DLGAP4: variants seen among roughly 807,000 people sequenced by gnomAD.
DLGAP4 encodes disks large-associated protein 4.
In DLGAP4, 18 loss-of-function variants were observed where a neutral mutation model predicts 86.9. The ratio of observed to expected loss-of-function variants is 0.21; its 90% CI spans 0.14 to 0.31. DLGAP4 has a LOEUF of 0.31. Among genes scored for constraint, DLGAP4 ranks in the 10% least tolerant of loss-of-function variants. DLGAP4 has a pLI of 1.00. For missense variants in DLGAP4, 1,085 were observed against 1,362.6 expected (o/e 0.80, Z 3.21); for synonymous variants, 548 against 574.3 (o/e 0.95, Z 0.65).
rs1432957164 is a variant in DLGAP4 at position 36,346,212 on chromosome 20, A to C, written c.-303-20833A>C. Reference sequence around the variant, plus strand: ...ATCCAGGGCTCTATGGGCAGAGTCCAAGGACTGACGGCTGTGGGTACCCCA... The same window carrying C: ...ATCCAGGGCTCTATGGGCAGAGTCCCAGGACTGACGGCTGTGGGTACCCCA... On this transcript the variant is annotated intron_variant, in intron 1 of 12. Coordinates refer to ENST00000339266, the MANE Select transcript of DLGAP4 (RefSeq NM_001365621.2). Among the ~76,000 whole-genome samples the C allele has an allele frequency of 3.3e-5, 5 of 152,330 alleles. No individual in the cohort carries two copies. In the East Asian group the frequency reaches 7.7e-4, roughly 23 times the overall value.
At chr20:36,340,020 C>T (rs2065362064) in intron 1 of DLGAP4, among the ~76,000 whole-genome samples, 1 of 152,130 alleles carries the variant, frequency 6.6e-6, no homozygotes, top group African/African-American at 2.4e-5. Context: ...CTGGAGTAGC[C>T]AGGGGTGTTG....
At chr20:36,492,449 T>G (rs1275725684) in intron 7 of DLGAP4, 3 of 152,422 alleles carry the variant, frequency 2.0e-5, no homozygotes, top group African/African-American at 7.2e-5. Context: ...CTCTGATGAC[T>G]GGCTGCCTAG....
At chr20:36,452,905 TCA>T (rs1195555956) in intron 7 of DLGAP4, among the ~76,000 whole-genome samples, 1 of 144,854 alleles carries the variant, frequency 6.9e-6, no homozygotes, top group Non-Finnish European at 1.5e-5. Context: ...TGATCTCGGC[TCA>T]CTGCAACCTC....
Position 36,306,357 on chromosome 20 carries a change from C to T in DLGAP4, c.-459C>T, listed in dbSNP as rs2065002185. ...TCCTCCCGCAGCCGCATCTGGGGCG[C>T]CGCGCCGGCCGGAGGAGAGGCATGG... On this transcript the variant is annotated 5_prime_UTR_variant, in exon 1 of 13. Coordinates refer to ENST00000339266, the MANE Select transcript of DLGAP4 (RefSeq NM_001365621.2). The surrounding 1 kb of genome is among the most constrained non-coding windows in gnomAD (Gnocchi z 4.9). 1 of 150,038 alleles carries T rather than the reference C, an allele frequency of 6.7e-6. No homozygotes were observed. Among genetic ancestry groups the T allele is most frequent in the Non-Finnish European group, 1.5e-5 (1 of 67,132 alleles). The allele number at this position is 150,038 out of a possible 1,614,324, so 9.3% of individuals were successfully genotyped here.
At chr20:36,459,710 C>A (rs371681597) in intron 7 of DLGAP4, among the ~76,000 whole-genome samples, 1 of 152,202 alleles carries the variant, frequency 6.6e-6, no homozygotes, top group Non-Finnish European at 1.5e-5. Flanking sequence ...CAGGTTCAAG[C>A]GATTCACCTG....
At chr20:36,307,123 C>A (rs957789746) in intron 1 of DLGAP4, among the ~76,000 whole-genome samples, 2 of 152,132 alleles carry the variant, frequency 1.3e-5, no homozygotes, top group Admixed American at 6.5e-5. Context: ...ACCCCCCTCC[C>A]GCGCTGCATA....
At chr20:36,416,795 G>T (rs1569492210) in intron 2 of DLGAP4, among the ~76,000 whole-genome samples, 1 of 152,128 alleles carries the variant, frequency 6.6e-6, no homozygotes, top group Non-Finnish European at 1.5e-5. Flanking sequence ...AGCCTGTGTG[G>T]GATTCAGACA....
chr20:36,522,427 C>T (rs1163088233), intron 10 of DLGAP4, among the ~76,000 whole-genome samples: 4 of 152,148 alleles, frequency 2.6e-5, no homozygotes, highest in African/African-American at 4.8e-5. Context: ...TCCTAAAGTA[C>T]TGGGATTATA....
At chr20:36,490,819 C>A (rs919716364) in intron 7 of DLGAP4, among the ~76,000 whole-genome samples, 1 of 152,156 alleles carries the variant, frequency 6.6e-6, no homozygotes, top group Non-Finnish European at 1.5e-5. Context: ...GCTGTGTCCT[C>A]CGCATCCCTC....
intron 7 of DLGAP4, chr20:36,461,353 T>TGC: frequency 1.5e-6 from 1 of 677,904 alleles, no homozygotes; most frequent in Non-Finnish European, 1.8e-6. Context: ...CCAAGCGGGC[T>TGC]GCGCGCGCCC....
chr20:36,375,308 A>C (rs1381771130), intron 2 of DLGAP4, among the ~76,000 whole-genome samples: 1 of 152,270 alleles, frequency 6.6e-6, no homozygotes, highest in East Asian at 1.9e-4. Context: ...CTAAATCCTC[A>C]AATGTTTTGT....
At chr20:36,472,738 A>G (rs1001216806) in intron 7 of DLGAP4, among the ~76,000 whole-genome samples, 1 of 152,164 alleles carries the variant, frequency 6.6e-6, no homozygotes, top group Non-Finnish European at 1.5e-5. Flanking sequence ...TTAAAAACCA[A>G]AGTGAAAGAA....
chr20:36,513,812 T>C (rs1485341707), intron 10 of DLGAP4, among the ~76,000 whole-genome samples: 2 of 152,118 alleles, frequency 1.3e-5, no homozygotes, highest in African/African-American at 2.4e-5. Context: ...AAGAAGAGGA[T>C]GGCATTGCCA....
chr20:36,460,491 A>G (rs2033995996), intron 7 of DLGAP4, among the ~76,000 whole-genome samples: 1 of 152,252 alleles, frequency 6.6e-6, no homozygotes, highest in African/African-American at 2.4e-5. Context: ...CATCTTCGCC[A>G]GTGCTCAAAA....
At chr20:36,463,199 T>C (rs529206015) in intron 7 of DLGAP4, among the ~76,000 whole-genome samples, 6 of 152,326 alleles carry the variant, frequency 3.9e-5, no homozygotes, top group African/African-American at 1.4e-4. Context: ...GTCTAACCTC[T>C]GGGGCCTTGG....
intron 2 of DLGAP4, among the ~76,000 whole-genome samples, chr20:36,380,687 C>T (rs977011555): frequency 3.4e-5 from 5 of 147,510 alleles, no homozygotes; most frequent in Non-Finnish European, 5.9e-5. Context: ...GGCAGGCAAG[C>T]CAGGGCCAGT....
At chr20:36,310,779 C>T (rs1273919188) in intron 1 of DLGAP4, among the ~76,000 whole-genome samples, 1 of 152,176 alleles carries the variant, frequency 6.6e-6, no homozygotes, top group African/African-American at 2.4e-5. Context: ...GCTGGCGAGG[C>T]TTGGCAGTTT....
At chr20:36,505,287 G>T (rs1325620412) in intron 10 of DLGAP4, among the ~76,000 whole-genome samples, 2 of 152,000 alleles carry the variant, frequency 1.3e-5, no homozygotes, top group African/African-American at 2.4e-5. Context: ...ACGCCTGGCT[G>T]ACGCACAAAG....
At chr20:36,414,367 C>T (rs1247309524) in intron 2 of DLGAP4, among the ~76,000 whole-genome samples, 2 of 152,210 alleles carry the variant, frequency 1.3e-5, no homozygotes, top group Admixed American at 6.5e-5. Context: ...CTGATCGGTG[C>T]CCGCCCTGCA....
Sources: allele counts gnomAD v4.1 joint callset (sites outside exome capture counted in the v4.1 genomes callset), GRCh38; gene constraint gnomAD v4.1.1; non-coding constraint Gnocchi (gnomAD v3.1); transcripts MANE v1.5; gene names NCBI Gene and HGNC (gene_info 2026-07-23, HGNC 2026-07-21).